Variants in HSPD1 observed in about 807,000 individuals in gnomAD.
The protein encoded by HSPD1 is heat shock protein family D (Hsp60) member 1.
A neutral mutation model predicts 53.0 loss-of-function variants in HSPD1; 3 were observed. The ratio of observed to expected loss-of-function variants is 0.06; its 90% CI spans 0.03 to 0.15. The LOEUF (loss-of-function observed/expected upper bound fraction) is 0.15, where lower values mean the gene tolerates loss of function less well. Among genes scored for constraint, HSPD1 ranks in the 10% least tolerant of loss-of-function variants. The pLI, the probability that HSPD1 is intolerant of heterozygous loss-of-function variation, is 1.00. For synonymous variants in HSPD1, 200 were observed against 228.0 expected (o/e 0.88, Z 1.10); for missense variants, 431 against 694.1 (o/e 0.62, Z 4.26).
At chr2:197,499,172 C>G in intron 1 of HSPD1, 1 of 424,980 alleles carries the variant, frequency 2.4e-6, no homozygotes, top group Non-Finnish European at 4.3e-6. Context: ...CAGACCCACT[C>G]CAACTGTGGC....
chr2:197,500,045 T>G (rs763053276), upstream of HSPD1: 129 of 228,682 alleles, frequency 5.6e-4, no homozygotes, highest in Middle Eastern at 1.6e-3. Flanking sequence ...GCCGGCTTAG[T>G]CTAGTTCCCG....
At chr2:197,490,773 A>G (rs954544427) in intron 7 of HSPD1, among the ~76,000 whole-genome samples, 1 of 152,240 alleles carries the variant, frequency 6.6e-6, no homozygotes, top group Non-Finnish European at 1.5e-5. Context: ...GGATACAGTG[A>G]TAACTATTAT....
intron 8 of HSPD1, among the ~76,000 whole-genome samples, chr2:197,489,958 AC>A (rs2086071183): frequency 6.6e-6 from 1 of 152,166 alleles, no homozygotes; most frequent in Admixed American, 6.5e-5. Context: ...TCCAAAAAAA[AC>A]AAAAAAAAGG....
intron 4 of HSPD1, 116 bp from the exon 5 acceptor site, chr2:197,494,868 G>A: frequency 6.7e-6 from 5 of 742,910 alleles, no homozygotes; most frequent in Non-Finnish European, 1.2e-5. Context: ...GGAGAGAAGG[G>A]GAATTTACGT....
At chr2:197,491,177 CTTTT>C (rs1196099992) in intron 7 of HSPD1, among the ~76,000 whole-genome samples, 1 of 147,432 alleles carries the variant, frequency 6.8e-6, no homozygotes, top group Non-Finnish European at 1.5e-5. Context: ...GGCCTCAAGT[CTTTT>C]TTTTGTGTGT....
intron 5 of HSPD1, 36 bp from the exon 6 acceptor site, chr2:197,494,286 A>G: frequency 9.9e-7 from 1 of 1,011,094 alleles, no homozygotes; most frequent in Non-Finnish European, 1.6e-6. Flanking sequence ...TATGGATTTC[A>G]TTGAACACAA....
chr2:197,494,554 C>A, intron 5 of HSPD1, 103 bp downstream of exon 5: 2 of 826,630 alleles, frequency 2.4e-6, no homozygotes, highest in Non-Finnish European at 4.1e-6. Flanking sequence ...GTTTTTAAAA[C>A]AGAATTTTTC....
intron 7 of HSPD1, 52 bp from the exon 8 acceptor site, chr2:197,490,348 G>GT: frequency 7.5e-7 from 1 of 1,336,354 alleles, no homozygotes; most frequent in Non-Finnish European, 1.1e-6. Flanking sequence ...ATGCCTATCT[G>GT]TTTAATTCCC....
chr2:197,496,449 A>C (rs1440340460), intron 3 of HSPD1, among the ~76,000 whole-genome samples: 1 of 152,180 alleles, frequency 6.6e-6, no homozygotes, highest in Non-Finnish European at 1.5e-5. Flanking sequence ...AATTACCAAT[A>C]GCTCCCCCCA....
chr2:197,487,883 T>C lies in HSPD1; in HGVS notation c.1544A>G (p.Glu515Gly), dbSNP rs1574595963. 4 of 1,613,830 alleles carry C rather than the reference T, an allele frequency of 2.5e-6. No individual in the cohort carries two copies. The highest frequency in any genetic ancestry group is 3.4e-6 in the Non-Finnish European group (4 of 1,179,740). ...AMAGDFVNMV[E>G]KGIIDPTKVV... Reference sequence around the variant, plus strand: ...CTTTGTTGGGTCAATGATTCCTTTTTCCACCATATTCACAAAATCTCCAGC... The same window carrying C: ...CTTTGTTGGGTCAATGATTCCTTTTCCCACCATATTCACAAAATCTCCAGC... Residue 515 changes from glutamate to glycine, a missense_variant, in exon 11 of 12, where the codon GAA becomes GGA. Glu to Gly is a moderately conservative substitution (Grantham distance 98, BLOSUM62 -2). Transcript: ENST00000388968.
rs569046359 is a variant in HSPD1 at position 197,488,094 on chromosome 2, T to G, written c.1391-58A>C. ...TTCATTTGTAAATATTGTAACACAT[T>G]TATAAGTTGTGAGGATATTGATGTA... On this transcript the variant is annotated intron_variant, in intron 10 of 11. Transcript: ENST00000388968. The G allele has an allele frequency of 3.2e-6, 4 of 1,269,568 alleles. No individual in the cohort carries two copies. In the Admixed American group the frequency reaches 5.9e-5, roughly 19 times the overall value. The allele number at this position is 1,269,568 out of a possible 1,614,324, so 78.6% of individuals were successfully genotyped here.
At position 197,486,632 on chromosome 2, in the gene HSPD1, T is replaced by C. The variant is rs2086028485; in HGVS notation, c.*414A>G. On this transcript the variant is annotated 3_prime_UTR_variant, in exon 12 of 12. Coordinates refer to ENST00000388968, the MANE Select transcript of HSPD1 (RefSeq NM_002156.5). ...ACACAAAGGTTGTCACATAATTGGA[T>C]ACTTCTCTACTTTGTACACAATTAT... 4.8e-6 allele frequency: 1 copy of C among 209,630 alleles called. No homozygotes were observed. Among genetic ancestry groups the C allele is most frequent in the South Asian group, 7.5e-5 (1 of 13,324 alleles). 13.0% of individuals were successfully genotyped at this position (209,630 alleles called of 1,614,324 possible).
At chr2:197,499,088 G>A (rs2086201993) in intron 1 of HSPD1, 1 of 578,210 alleles carries the variant, frequency 1.7e-6, no homozygotes, top group Non-Finnish European at 3.1e-6. Flanking sequence ...AGCACATGCG[G>A]CTCCTTCCCC....
rs549643524 is a variant in HSPD1 at position 197,490,488 on chromosome 2, G to A, written c.870-192C>T. ...ACAGGAAGTATCTGAGACAGTTTAG[G>A]CTATTTTCTATTAATTATACTTGTC... On this transcript the variant is annotated intron_variant, in intron 7 of 11. Coordinates refer to ENST00000388968, the MANE Select transcript of HSPD1 (RefSeq NM_002156.5). 40 of 596,798 alleles carry A rather than the reference G, an allele frequency of 6.7e-5. No homozygotes were observed. The East Asian group carries it at 1.1e-3, about 16-fold the overall frequency. The allele number at this position is 596,798 out of a possible 1,614,324, so 37.0% of individuals were successfully genotyped here.
intron 2 of HSPD1, among the ~76,000 whole-genome samples, chr2:197,498,149 T>C (rs1167301327): frequency 6.6e-6 from 1 of 152,146 alleles, no homozygotes; most frequent in African/African-American, 2.4e-5. Context: ...AAGTTACAAT[T>C]TTTCCATATA....
rs758786211 is a variant in HSPD1, at chr2:197,487,945, A to G, written c.1482T>C (p.Ile494=). The G allele has an allele frequency of 4.3e-6, 7 of 1,613,084 alleles. No homozygotes were observed. The highest frequency in any genetic ancestry group is 2.2e-5 in the South Asian group (2 of 91,060). The part of the protein sequence containing the change: ...GVEGSLIVEK[I]MQSSSEVGYD... ...AACCAACTTCTGAGGAACTTTGCAT[A>G]ATTTTCTCAACTATCAAAGATCCTT... The change falls in exon 11 of 12, where the codon ATT becomes ATC. Residue 494 remains isoleucine, a synonymous_variant. Coordinates refer to ENST00000388968, the MANE Select transcript of HSPD1 (RefSeq NM_002156.5).
At chr2:197,491,851 G>C (rs2086097233) in intron 7 of HSPD1, among the ~76,000 whole-genome samples, 1 of 152,154 alleles carries the variant, frequency 6.6e-6, no homozygotes. Context: ...CTAAATACTT[G>C]ATCACAGCCA....
At chr2:197,495,025 G>A in intron 4 of HSPD1, 1 of 595,422 alleles carries the variant, frequency 1.7e-6, no homozygotes, top group Non-Finnish European at 3.0e-6. Context: ...CAAAACTTAT[G>A]CACCTTTGAC....
chr2:197,490,107 G>C (rs2086072582), intron 8 of HSPD1, 90 bp downstream of exon 8: 1 of 953,858 alleles, frequency 1.0e-6, no homozygotes, highest in Non-Finnish European at 1.7e-6. Context: ...ACAGATAGTT[G>C]TAGTATCTAA....
Sources: allele counts gnomAD v4.1 joint callset (sites outside exome capture counted in the v4.1 genomes callset), GRCh38; gene constraint gnomAD v4.1.1; transcripts MANE v1.5; gene names NCBI Gene and HGNC (gene_info 2026-07-23, HGNC 2026-07-21).